Variants in KLRG1 observed in about 807,000 individuals in gnomAD.
KLRG1 encodes killer cell lectin-like receptor subfamily G member 1.
Under a neutral mutation model 21.8 loss-of-function variants are expected in KLRG1, and 16 were observed. The observed-to-expected ratio is 0.73, with a 90% CI of 0.50 to 1.11. The LOEUF is 1.11. Among genes scored for constraint, KLRG1 ranks in the 50% most tolerant of loss-of-function variants. The probability of loss-of-function intolerance (pLI) is 0.00; values close to 1 mark genes in which losing one functional copy is unlikely to be tolerated. For missense variants in KLRG1, 173 were observed against 218.3 expected, an observed-to-expected ratio of 0.79 and a Z score of 1.31; for synonymous variants, 69 against 75.9, an observed-to-expected ratio of 0.91 and a Z score of 0.47.
chr12:9,187,243 T>C, the KLRG1 span, among the ~76,000 whole-genome samples: 3 of 152,144 alleles, frequency 2.0e-5, no homozygotes, highest in South Asian at 2.1e-4. Flanking sequence ...CACAATAATA[T>C]TGAGAAACTT....
chr12:9,086,641 C>G, the KLRG1 span, among the ~76,000 whole-genome samples: 2 of 152,144 alleles, frequency 1.3e-5, no homozygotes, highest in African/African-American at 2.4e-5. Flanking sequence ...CAATGTTCCT[C>G]AACACAATAA....
intron 2 of KLRG1, among the ~76,000 whole-genome samples, 154 bp downstream of exon 2, chr12:8,992,464 C>T (rs866556955): frequency 6.6e-6 from 1 of 152,146 alleles, no homozygotes; most frequent in Non-Finnish European, 1.5e-5. Flanking sequence ...TGACCATGTG[C>T]ACTTGTGTAA....
At chr12:9,189,437 A>G in the KLRG1 span, among the ~76,000 whole-genome samples, 62 of 152,378 alleles carry the variant, frequency 4.1e-4, 1 homozygote, top group Middle Eastern at 3.4e-3. Context: ...CTGGCTAGCC[A>G]TAGGCAGAAG....
the KLRG1 span, among the ~76,000 whole-genome samples, chr12:9,192,921 A>G: frequency 6.6e-6 from 1 of 152,202 alleles, no homozygotes; most frequent in South Asian, 2.1e-4. Flanking sequence ...TTAAAAGGAA[A>G]TCATCCACAA....
At chr12:9,086,218 T>C in the KLRG1 span, among the ~76,000 whole-genome samples, 3 of 152,178 alleles carry the variant, frequency 2.0e-5, no homozygotes, top group Admixed American at 1.3e-4. Flanking sequence ...ATATTCTTGA[T>C]GAATATAGAT....
At chr12:9,122,956 CTATT>C in the KLRG1 span, among the ~76,000 whole-genome samples, 1 of 151,844 alleles carries the variant, frequency 6.6e-6, no homozygotes, top group African/African-American at 2.4e-5. Flanking sequence ...TTATAAATAA[CTATT>C]TATTAATTAG....
chr12:9,079,368 A>G, the KLRG1 span: 1 of 1,573,544 alleles, frequency 6.4e-7, no homozygotes, highest in Non-Finnish European at 8.7e-7. Context: ...ACAATGGATT[A>G]ATGTGCATGC....
chr12:9,072,253 G>T, the KLRG1 span: 2 of 1,322,224 alleles, frequency 1.5e-6, no homozygotes, highest in East Asian at 2.4e-5. Flanking sequence ...CATTTTTTGT[G>T]AATAGTGCAA....
the KLRG1 span, among the ~76,000 whole-genome samples, chr12:9,097,073 G>A: frequency 6.6e-6 from 1 of 152,134 alleles, no homozygotes; most frequent in Admixed American, 6.5e-5. Flanking sequence ...AAATAGGACT[G>A]TCTGCCTTAT....
At chr12:9,096,897 A>G in the KLRG1 span, among the ~76,000 whole-genome samples, 1 of 152,196 alleles carries the variant, frequency 6.6e-6, no homozygotes, top group Admixed American at 6.5e-5. Context: ...CACTTAGTAT[A>G]ATACCTAGAA....
chr12:9,157,950 C>A, the KLRG1 span: 4 of 934,102 alleles, frequency 4.3e-6, no homozygotes, highest in Non-Finnish European at 6.7e-6. Context: ...CAAAGTATAC[C>A]ATTTCCTTCT....
chr12:8,994,973 G>A (rs1805721), intron 2 of KLRG1, 146 bp from the exon 3 acceptor site: 243,950 of 587,290 alleles, frequency 0.42, 53,786 homozygotes, highest in Non-Finnish European at 0.45. Flanking sequence ...TTGACACCAC[G>A]CATTGTTACA....
At chr12:9,062,584 A>C in the KLRG1 span, among the ~76,000 whole-genome samples, 1 of 131,680 alleles carries the variant, frequency 7.6e-6, no homozygotes, top group African/African-American at 2.6e-5. Context: ...ATATACATTT[A>C]TATATATACA....
the KLRG1 span, among the ~76,000 whole-genome samples, chr12:9,150,227 G>GACTCAAGAAAC: frequency 9.2e-5 from 14 of 152,104 alleles, no homozygotes; most frequent in African/African-American, 3.4e-4. Flanking sequence ...TTAAGTTTCT[G>GACTCAAGAAAC]ACTCAAGAAA....
the KLRG1 span, among the ~76,000 whole-genome samples, chr12:9,131,538 A>G: frequency 6.6e-6 from 1 of 152,002 alleles, no homozygotes; most frequent in African/African-American, 2.4e-5. Flanking sequence ...CTGTAAGGTA[A>G]GTTACTAGAG....
chr12:8,991,071 T>G (rs991774085), intron 1 of KLRG1, among the ~76,000 whole-genome samples: 20 of 152,246 alleles, frequency 1.3e-4, no homozygotes, highest in Non-Finnish European at 2.6e-4. Context: ...TATCTAAAAT[T>G]TAATCAGAAA....
At chr12:9,201,276 T>C in the KLRG1 span, 5 of 1,458,512 alleles carry the variant, frequency 3.4e-6, no homozygotes, top group Non-Finnish European at 3.8e-6. Context: ...CAGAACCTCC[T>C]ACTCTCTAAA....
the KLRG1 span, chr12:9,104,151 G>C: frequency 7.4e-7 from 1 of 1,346,822 alleles, no homozygotes; most frequent in Non-Finnish European, 1.0e-6. Context: ...CATAGAACTA[G>C]ACACAGTTTG....
chr12:9,005,702 T>A (rs1947451332), intron 3 of KLRG1, among the ~76,000 whole-genome samples: 1 of 152,204 alleles, frequency 6.6e-6, no homozygotes, highest in South Asian at 2.1e-4. Context: ...GGCACCAGTT[T>A]CGTGGAAGAC....
Sources: allele counts gnomAD v4.1 joint callset (sites outside exome capture counted in the v4.1 genomes callset), GRCh38; gene constraint gnomAD v4.1.1; transcripts MANE v1.5; gene names NCBI Gene and HGNC (gene_info 2026-07-23, HGNC 2026-07-21).